SLMAP: variants seen among roughly 807,000 people sequenced by gnomAD.
SLMAP encodes the protein sarcolemma associated protein, also known as sarcolemmal membrane-associated protein.
SLMAP carries 44 observed loss-of-function variants against 128.8 expected under a neutral mutation model. That is an observed-to-expected ratio of 0.34 (90% CI 0.27 to 0.44). SLMAP has a LOEUF of 0.44. Ranked by LOEUF, SLMAP falls within the 20% of genes least tolerant of loss-of-function variation. SLMAP has a pLI of 1.00. For synonymous variants in SLMAP, 327 were observed against 348.8 expected (o/e 0.94, Z 0.70); for missense variants, 787 against 985.3 (o/e 0.80, Z 2.69).
intron 10 of SLMAP, among the ~76,000 whole-genome samples, chr3:57,863,961 C>T (rs904948240): frequency 1.2e-4 from 19 of 152,066 alleles, no homozygotes; most frequent in Non-Finnish European, 2.1e-4. Context: ...TTTAAAAATA[C>T]GATTTTTTTT....
At chr3:57,843,269 CTTTTG>C (rs1215467044) in intron 4 of SLMAP, among the ~76,000 whole-genome samples, 12 of 132,226 alleles carry the variant, frequency 9.1e-5, no homozygotes, top group East Asian at 4.4e-4. Flanking sequence ...AATAATTTTC[CTTTTG>C]TTTTGTTTTC....
intron 15 of SLMAP, among the ~76,000 whole-genome samples, chr3:57,891,496 AAACCTGGCTAT>A (rs2096068735): frequency 6.6e-6 from 1 of 152,146 alleles, no homozygotes; most frequent in African/African-American, 2.4e-5. Flanking sequence ...ATTTCCTTTT[AAACCTGGCTAT>A]AAACTGTTTA....
intron 2 of SLMAP, among the ~76,000 whole-genome samples, chr3:57,783,042 G>T (rs1021082620): frequency 6.6e-6 from 1 of 152,188 alleles, no homozygotes; most frequent in Non-Finnish European, 1.5e-5. Context: ...ACACAAAATG[G>T]ATTAAGACAG....
At chr3:57,785,207 A>T (rs2083839255) in intron 2 of SLMAP, among the ~76,000 whole-genome samples, 1 of 152,238 alleles carries the variant, frequency 6.6e-6, no homozygotes, top group Admixed American at 6.5e-5. Flanking sequence ...TAAAACTCAA[A>T]TATGTTGTAA....
chr3:57,765,634 A>C (rs2079529304), intron 2 of SLMAP, among the ~76,000 whole-genome samples: 1 of 152,056 alleles, frequency 6.6e-6, no homozygotes, highest in Non-Finnish European at 1.5e-5. Flanking sequence ...ACATTCTTTT[A>C]CTTTTTATTT....
chr3:57,822,005 T>C (rs1277210037), intron 2 of SLMAP, among the ~76,000 whole-genome samples: 1 of 152,108 alleles, frequency 6.6e-6, no homozygotes, highest in Non-Finnish European at 1.5e-5. Context: ...AGCAACTGAT[T>C]ATGCCTAACT....
At chr3:57,899,925 A>G (rs1360726325) in intron 17 of SLMAP, 7 of 152,288 alleles carry the variant, frequency 4.6e-5, no homozygotes, top group Admixed American at 4.6e-4. Flanking sequence ...TTTCTCTTGT[A>G]AGAGTTTTAC....
At chr3:57,844,450 A>T (rs1188161481) in intron 4 of SLMAP, among the ~76,000 whole-genome samples, 1 of 152,024 alleles carries the variant, frequency 6.6e-6, no homozygotes, top group Non-Finnish European at 1.5e-5. Context: ...CCACCACTCT[A>T]ACACTAAGTA....
At chr3:57,841,130 A>G (rs1016932289) in intron 3 of SLMAP, among the ~76,000 whole-genome samples, 169 bp from the exon 4 acceptor site, 16 of 152,178 alleles carry the variant, frequency 1.1e-4, no homozygotes, top group African/African-American at 3.9e-4. Flanking sequence ...GTGATTCGTT[A>G]TGGACAAGAT....
At chr3:57,821,968 A>G (rs1253773264) in intron 2 of SLMAP, among the ~76,000 whole-genome samples, 1 of 151,704 alleles carries the variant, frequency 6.6e-6, no homozygotes, top group Non-Finnish European at 1.5e-5. Flanking sequence ...CATTCTGATT[A>G]CCACCCTCAC....
chr3:57,868,450 G>T (rs1307583692), intron 13 of SLMAP, among the ~76,000 whole-genome samples: 1 of 151,424 alleles, frequency 6.6e-6, no homozygotes, highest in African/African-American at 2.4e-5. Flanking sequence ...AATTAGTGAG[G>T]TGTGGTGGCA....
intron 3 of SLMAP, among the ~76,000 whole-genome samples, chr3:57,837,343 A>G (rs553294416): frequency 2.0e-5 from 3 of 152,130 alleles, no homozygotes; most frequent in Non-Finnish European, 2.9e-5. Context: ...AGAATGTCCC[A>G]TTAATCTTCA....
intron 3 of SLMAP, among the ~76,000 whole-genome samples, chr3:57,835,678 T>C (rs2093606235): frequency 6.6e-6 from 1 of 151,904 alleles, no homozygotes; most frequent in Non-Finnish European, 1.5e-5. Flanking sequence ...AAATTCTAAA[T>C]AAATAGGATG....
chr3:57,811,107 T>C (rs1225146406), intron 2 of SLMAP, among the ~76,000 whole-genome samples: 1 of 152,232 alleles, frequency 6.6e-6, no homozygotes, highest in Non-Finnish European at 1.5e-5. Flanking sequence ...AATTTATCAT[T>C]GTAGCCATTT....
intron 2 of SLMAP, among the ~76,000 whole-genome samples, chr3:57,794,988 T>C (rs1305085959): frequency 6.6e-6 from 1 of 152,200 alleles, no homozygotes; most frequent in Admixed American, 6.5e-5. Flanking sequence ...TTTAACATCT[T>C]GAGGAACTGC....
At chr3:57,809,914 G>T (rs1396800415) in intron 2 of SLMAP, among the ~76,000 whole-genome samples, 3 of 152,186 alleles carry the variant, frequency 2.0e-5, no homozygotes, top group Non-Finnish European at 4.4e-5. Context: ...CACAGCACAA[G>T]AACTTGGGAC....
chr3:57,854,046 T>C (rs28670616), intron 6 of SLMAP, among the ~76,000 whole-genome samples: 62 of 103,290 alleles, frequency 6.0e-4, no homozygotes, highest in Admixed American at 1.2e-4. Flanking sequence ...TGTATATATA[T>C]ACACATAACA....
intron 2 of SLMAP, among the ~76,000 whole-genome samples, chr3:57,793,297 A>C (rs975291273): frequency 1.3e-5 from 2 of 152,172 alleles, no homozygotes; most frequent in Non-Finnish European, 2.9e-5. Context: ...TAGATCTCAG[A>C]TATCAATGAC....
chr3:57,865,624 A>T (rs923531108), intron 13 of SLMAP, among the ~76,000 whole-genome samples: 3 of 152,210 alleles, frequency 2.0e-5, no homozygotes, highest in Non-Finnish European at 2.9e-5. Context: ...TTCTGCCTCC[A>T]GTGATACTTG....
Sources: allele counts gnomAD v4.1 joint callset (sites outside exome capture counted in the v4.1 genomes callset), GRCh38; gene constraint gnomAD v4.1.1; transcripts MANE v1.5; gene names NCBI Gene and HGNC (gene_info 2026-07-23, HGNC 2026-07-21).